Variants in GRIK4 observed in about 807,000 individuals in gnomAD.
GRIK4 encodes the protein glutamate receptor ionotropic, kainate 4.
In GRIK4, 40 loss-of-function variants were observed where a neutral mutation model predicts 104.9. The ratio of observed to expected loss-of-function variants is 0.38; its 90% CI spans 0.30 to 0.50. GRIK4 has a LOEUF of 0.50. GRIK4 is among the 20% of genes least tolerant of loss of function. The probability of loss-of-function intolerance (pLI) is 0.93; values close to 1 mark genes in which losing one functional copy is unlikely to be tolerated. For missense variants in GRIK4, 1,047 were observed against 1,308.1 expected (o/e 0.80, Z 3.08); for synonymous variants, 485 against 524.9 (o/e 0.92, Z 1.04).
At chr11:120,911,719 G>A (rs1202374042) in intron 13 of GRIK4, among the ~76,000 whole-genome samples, 2 of 150,712 alleles carry the variant, frequency 1.3e-5, no homozygotes, top group African/African-American at 2.4e-5. Flanking sequence ...GTGCATGCCT[G>A]TAATCCCAGC....
chr11:120,908,221 A>G (rs377625715), intron 13 of GRIK4, among the ~76,000 whole-genome samples: 2 of 152,326 alleles, frequency 1.3e-5, no homozygotes, highest in East Asian at 1.9e-4. Context: ...CAGAGCCAGC[A>G]TTTAAGCCCT....
intron 3 of GRIK4, among the ~76,000 whole-genome samples, chr11:120,772,622 G>T (rs112739482): frequency 5.3e-5 from 8 of 152,062 alleles, no homozygotes; most frequent in Non-Finnish European, 1.2e-4. Context: ...GCTGGTAGGT[G>T]AGAACAGGTG....
intron 3 of GRIK4, among the ~76,000 whole-genome samples, chr11:120,688,016 C>G (rs1442373358): frequency 6.6e-6 from 1 of 152,130 alleles, no homozygotes; most frequent in Non-Finnish European, 1.5e-5. Flanking sequence ...CCTTAATTTT[C>G]TCTCTCTAGT....
intron 10 of GRIK4, among the ~76,000 whole-genome samples, 185 bp from the exon 11 acceptor site, chr11:120,874,954 G>A (rs1483365360): frequency 6.6e-6 from 1 of 152,204 alleles, no homozygotes; most frequent in Admixed American, 6.5e-5. Flanking sequence ...AGCCAAGTCT[G>A]AATTGTCTCC....
At chr11:120,865,704 G>C (rs1954389233) in intron 9 of GRIK4, among the ~76,000 whole-genome samples, 2 of 151,296 alleles carry the variant, frequency 1.3e-5, no homozygotes, top group Admixed American at 1.3e-4. Flanking sequence ...CTCCCTTTTA[G>C]AGGAAAAAAA....
chr11:120,812,152 G>A (rs542051288), intron 4 of GRIK4, among the ~76,000 whole-genome samples: 6 of 152,364 alleles, frequency 3.9e-5, no homozygotes, highest in African/African-American at 1.4e-4. Flanking sequence ...CTGGCAGAGA[G>A]TGAGAAGGTC....
At chr11:120,597,318 C>T (rs1222195528) in intron 1 of GRIK4, among the ~76,000 whole-genome samples, 2 of 152,182 alleles carry the variant, frequency 1.3e-5, no homozygotes, top group African/African-American at 4.8e-5. Flanking sequence ...TGATGTTTCC[C>T]GCAGAGGGTT....
At chr11:120,540,804 C>G (rs1403719480) in intron 1 of GRIK4, among the ~76,000 whole-genome samples, 1 of 151,614 alleles carries the variant, frequency 6.6e-6, no homozygotes, top group Non-Finnish European at 1.5e-5. Flanking sequence ...TCAAAGAGGA[C>G]TTTGGACTCA....
chr11:120,949,746 G>C (rs1943953472), intron 14 of GRIK4, among the ~76,000 whole-genome samples: 1 of 152,190 alleles, frequency 6.6e-6, no homozygotes, highest in Non-Finnish European at 1.5e-5. Context: ...GAATGAAGGA[G>C]AGTGTGGCAT....
At chr11:120,960,767 C>T in intron 16 of GRIK4, 142 bp from the exon 17 acceptor site, 1 of 613,764 alleles carries the variant, frequency 1.6e-6, no homozygotes, top group Non-Finnish European at 2.8e-6. Flanking sequence ...GCCCTGCCTC[C>T]TTTCTCTTCC....
At chr11:120,928,095 A>G (rs985493028) in intron 13 of GRIK4, among the ~76,000 whole-genome samples, 3 of 151,518 alleles carry the variant, frequency 2.0e-5, no homozygotes, top group Non-Finnish European at 4.4e-5. Context: ...CACAACTGTA[A>G]TCCCAGCTAC....
At chr11:120,880,890 C>T (rs1954951902) in intron 11 of GRIK4, among the ~76,000 whole-genome samples, 1 of 152,200 alleles carries the variant, frequency 6.6e-6, no homozygotes, top group Non-Finnish European at 1.5e-5. Context: ...TGAGCACCTT[C>T]TCTGTGTCAG....
chr11:120,743,098 C>G (rs549869806), intron 3 of GRIK4, among the ~76,000 whole-genome samples: 14 of 152,020 alleles, frequency 9.2e-5, no homozygotes, highest in Admixed American at 2.0e-4. Context: ...GGTGTGGTGG[C>G]GGGTGCCTGT....
chr11:120,575,894 G>A (rs1417489817), intron 1 of GRIK4: 1 of 151,940 alleles, frequency 6.6e-6, no homozygotes, highest in Non-Finnish European at 1.5e-5. Flanking sequence ...GCCCAGGAGT[G>A]CGAGGCTGCA....
intron 9 of GRIK4, among the ~76,000 whole-genome samples, chr11:120,866,898 C>T (rs1954433311): frequency 6.6e-6 from 1 of 152,212 alleles, no homozygotes; most frequent in African/African-American, 2.4e-5. Flanking sequence ...ACTCCTGTAG[C>T]CCTTCCCATG....
chr11:120,968,430 C>A (rs187271223), intron 19 of GRIK4, among the ~76,000 whole-genome samples: 1 of 152,104 alleles, frequency 6.6e-6, no homozygotes, highest in Non-Finnish European at 1.5e-5. Flanking sequence ...ACGCTCTGCC[C>A]GAGGAAGACA....
chr11:120,532,143 C>A (rs2136081917), intron 1 of GRIK4, among the ~76,000 whole-genome samples: 1 of 152,296 alleles, frequency 6.6e-6, no homozygotes. Flanking sequence ...AGGCCCTGGG[C>A]TGCTGGCACA....
chr11:120,685,354 T>C (rs998933077), intron 3 of GRIK4, among the ~76,000 whole-genome samples: 2 of 152,344 alleles, frequency 1.3e-5, no homozygotes, highest in African/African-American at 4.8e-5. Flanking sequence ...CAGGTGATTC[T>C]CATGTTCATT....
chr11:120,846,144 G>A (rs539571908), intron 8 of GRIK4, among the ~76,000 whole-genome samples: 3 of 152,346 alleles, frequency 2.0e-5, no homozygotes, highest in East Asian at 3.9e-4. Context: ...GATTCAGGAG[G>A]CATTGACTGA....
Sources: allele counts gnomAD v4.1 joint callset (sites outside exome capture counted in the v4.1 genomes callset), GRCh38; gene constraint gnomAD v4.1.1; transcripts MANE v1.5; gene names NCBI Gene and HGNC (gene_info 2026-07-23, HGNC 2026-07-21).